The following RNF213 variants were observed in gnomAD, a reference collection of about 807,000 sequenced individuals.
RNF213 encodes the protein ring finger protein 213, also known as E3 ubiquitin-protein ligase RNF213.
A neutral mutation model predicts 514.4 loss-of-function variants in RNF213; 341 were observed. The observed-to-expected ratio is 0.66, with a 90% confidence interval of 0.61 to 0.73. The LOEUF (loss-of-function observed/expected upper bound fraction) is 0.73. Among genes scored for constraint, RNF213 ranks in the 30% least tolerant of loss-of-function variants. RNF213 has a pLI of 0.00. For synonymous variants in RNF213, 2,655 were observed against 2,658.2 expected (o/e 1.00, Z 0.04); for missense variants, 5,767 against 6,615.6 (o/e 0.87, Z 4.45).
chr17:80,319,055 G>A (rs1391631854), intron 16 of RNF213, 135 bp from the exon 17 acceptor site: 53 of 1,589,764 alleles, frequency 3.3e-5, no homozygotes, highest in South Asian at 2.0e-4. Flanking sequence ...GCTTTGCGTG[G>A]GCCAGGAGAA....
At chr17:80,341,541 A>G (rs1478735458) in intron 26 of RNF213, 1 of 152,140 alleles carries the variant, frequency 6.6e-6, no homozygotes, top group Non-Finnish European at 1.5e-5. Flanking sequence ...ACAGCAGACC[A>G]CGTATATGAC....
chr17:80,288,957 G>C lies in RNF213; in HGVS notation c.933+202G>C, dbSNP rs2044578502. On this transcript the variant is annotated intron_variant, in intron 5 of 67. Transcript: ENST00000582970. The surrounding 1 kb of genome is among the most constrained non-coding windows in gnomAD (Gnocchi z 4.9). ...CAGCGGTGAGAAGAGCGTGGAGGGA[G>C]GGAGAGAGGGCACCCAGGTGGGCCC... 1.3e-5 allele frequency among the ~76,000 whole-genome samples: 2 copies of C among 152,244 alleles called. No individual in the cohort carries two copies. The highest frequency in any genetic ancestry group is 1.3e-4 in the Admixed American group (2 of 15,286).
At chr17:80,355,390 G>C in intron 36 of RNF213, 5 of 335,822 alleles carry the variant, frequency 1.5e-5, no homozygotes, top group South Asian at 1.1e-4. Context: ...GGGAAGAAGC[G>C]GGGTGAATGG....
intron 2 of RNF213, among the ~76,000 whole-genome samples, chr17:80,271,353 A>G (rs75154501): frequency 0.019 from 2,882 of 152,320 alleles, 58 homozygotes; most frequent in East Asian, 0.11. Flanking sequence ...GCCAACACTG[A>G]GTACTCAAAG....
rs749168681 is a variant in RNF213 at position 80,306,433 on chromosome 17, C to T, written c.2392C>T (p.Arg798Trp). 3.1e-6 allele frequency: 5 copies of T among 1,614,110 alleles called. No homozygotes were observed. Among genetic ancestry groups the T allele is most frequent in the Admixed American group, 1.7e-5 (1 of 60,002 alleles). Residue 798 changes from arginine (R) to tryptophan (W), a missense_variant, in exon 12 of 68, where the codon CGG (arginine) becomes TGG (tryptophan). Coordinates refer to ENST00000582970, the MANE Select transcript of RNF213 (RefSeq NM_001256071.3). ...GGACTGTCTTTCAGGGATTTACTAC[C>T]GGCTTCCGGGACTTGAGCAAGTCTT... is the stretch of plus-strand genomic sequence containing the variant. ...ILDCLSGIYY[R>W]LPGLEQVLNT...
At position 80,295,667 on chromosome 17, in the gene RNF213, A is replaced by G. The variant is rs1467867293; in HGVS notation, c.1866A>G (p.Thr622=). 5 of 1,614,094 alleles carry G rather than the reference A, an allele frequency of 3.1e-6. No homozygotes were observed. The highest frequency in any genetic ancestry group is 4.2e-6 in the Non-Finnish European group (5 of 1,180,030). Reference sequence around the variant, plus strand: ...GCCCAGTGAGGAGTAAACTGAAAACAGGCCTGATTGTCCTTTTTGTAGTGG... The same window carrying G: ...GCCCAGTGAGGAGTAAACTGAAAACGGGCCTGATTGTCCTTTTTGTAGTGG... ...VDCPVRSKLK[T]GLIVLFVVEK... is the part of the protein sequence containing the mutation. The change falls in exon 10 of 68, where the codon ACA becomes ACG. Residue 622 remains threonine, a synonymous_variant. Transcript: ENST00000582970.
chr17:80,263,813 G>A lies in RNF213; in HGVS notation c.97+35G>A. The A allele has an allele frequency of 6.3e-7, 1 of 1,591,168 alleles. No homozygotes were observed. Among genetic ancestry groups the A allele is most frequent in the Non-Finnish European group, 8.6e-7 (1 of 1,159,284 alleles). On this transcript the variant is annotated intron_variant, in intron 2 of 67. Transcript: ENST00000582970. This position sits in a 1 kb window ranked among gnomAD's most constrained non-coding sequence, Gnocchi z 4.9. ...AGGGGTGCTGGTGGAGGCTGGGGCAGTGGGGACCCCTGGAGATGTCTCACC... is the reference window on the plus strand; with the variant it reads ...AGGGGTGCTGGTGGAGGCTGGGGCAATGGGGACCCCTGGAGATGTCTCACC...
At chr17:80,381,473 T>A in intron 56 of RNF213, 74 bp from the exon 57 acceptor site, 1 of 1,489,494 alleles carries the variant, frequency 6.7e-7, no homozygotes, top group Non-Finnish European at 9.4e-7. Context: ...CCACTCCCAA[T>A]GGCCTCTACC....
intron 17 of RNF213, chr17:80,321,417 G>A (rs1470686208): frequency 2.0e-5 from 3 of 151,996 alleles, no homozygotes; most frequent in Admixed American, 6.6e-5. Flanking sequence ...GTCCATTGAC[G>A]GCCATCTATG....
At position 80,346,362 on chromosome 17, in the gene RNF213, C is replaced by G; in HGVS notation, c.8027C>G (p.Thr2676Ser). The G allele has an allele frequency of 6.2e-7, 1 of 1,613,548 alleles. No individual in the cohort carries two copies. The highest frequency in any genetic ancestry group is 8.5e-7 in the Non-Finnish European group (1 of 1,180,014). ...LSKSSVSKNH[T>S]ERDPVLWSLM... Reference sequence around the variant, plus strand: ...AAGTCCAGCGTCAGCAAAAATCACACCGAGAGAGATCCCGTCCTCTGGTCG... The same window carrying G: ...AAGTCCAGCGTCAGCAAAAATCACAGCGAGAGAGATCCCGTCCTCTGGTCG... The change falls in exon 29 of 68, where the codon ACC (threonine) becomes AGC (serine). Residue 2676 changes from threonine (T) to serine (S), a missense_variant. Physicochemically the swap from Thr to Ser is moderately conservative, Grantham distance 58. Coordinates refer to ENST00000582970, the MANE Select transcript of RNF213 (RefSeq NM_001256071.3). This position sits in a 1 kb window ranked among gnomAD's most constrained non-coding sequence, Gnocchi z 8.1.
Position 80,346,627 on chromosome 17 carries a change from C to G in RNF213, c.8292C>G (p.Pro2764=). 6.2e-7 allele frequency: 1 copy of G among 1,612,946 alleles called. No homozygotes were observed. Among genetic ancestry groups the G allele is most frequent in the Non-Finnish European group, 8.5e-7 (1 of 1,180,022 alleles). ...TCGTCTGCATCGAGCTGAAGATTCC[C>G]CTCTTCCTGGTGGGGAAGCCCGGCA... ...MMVVCIELKI[P]LFLVGKPGSS... The change falls in exon 29 of 68, where the codon CCC becomes CCG. Residue 2764 remains proline, a synonymous_variant. Transcript: ENST00000582970. The surrounding 1 kb of genome is among the most constrained non-coding windows in gnomAD (Gnocchi z 8.1).
chr17:80,284,552 A>G (rs550791755), intron 3 of RNF213, among the ~76,000 whole-genome samples: 141 of 142,978 alleles, frequency 9.9e-4, no homozygotes, highest in African/African-American at 3.5e-3. Context: ...TCAAAAAAAG[A>G]AAAAAAAAAA....
At chr17:80,364,644 G>A (rs2079188066) in intron 42 of RNF213, 91 bp downstream of exon 42, 9 of 1,507,172 alleles carry the variant, frequency 6.0e-6, no homozygotes, top group Middle Eastern at 1.7e-4. Flanking sequence ...GCTGGGAGAC[G>A]CTCTTTTGGC....
Position 80,277,595 on chromosome 17 carries a change from CAAAA to C in RNF213, c.261+4210_261+4213del, listed in dbSNP as rs34659718. Among the ~76,000 whole-genome samples the C allele has an allele frequency of 2.5e-3, 175 of 69,726 alleles. 1 individual carries two copies. Among genetic ancestry groups the C allele is most frequent in the South Asian group, 0.017 (33 of 1,890 alleles). The allele number at this position is 69,726 out of a possible 152,430, so 45.7% of individuals were successfully genotyped here. ...CCTGGGCGACAGTGAGACTCTGTCT[CAAAA>C]AAAAAAAAAAAAAAAAAAGCCTAAA... On this transcript the variant is annotated intron_variant, in intron 3 of 67. Transcript: ENST00000582970.
intron 16 of RNF213, among the ~76,000 whole-genome samples, chr17:80,318,717 G>C (rs1421590550): frequency 6.6e-6 from 1 of 152,138 alleles, no homozygotes; most frequent in Non-Finnish European, 1.5e-5. Flanking sequence ...GGGACTACAG[G>C]CGCCCGCCAC....
At position 80,272,798 on chromosome 17, in the gene RNF213, T is replaced by G. The variant is rs139766838; in HGVS notation, c.98-443T>G. On this transcript the variant is annotated intron_variant, in intron 2 of 67. Transcript: ENST00000582970. ...CAGAGCAGCTGGGCGGGCAGATGCCTTAGTGCCAGGACAAGGGAAGCAGTT... is the reference window on the plus strand; with the variant it reads ...CAGAGCAGCTGGGCGGGCAGATGCCGTAGTGCCAGGACAAGGGAAGCAGTT... Among the ~76,000 whole-genome samples, 314 of 152,222 alleles carry G rather than the reference T, an allele frequency of 2.1e-3. 3 individuals are homozygous for G. The highest frequency in any genetic ancestry group is 6.9e-3 in the African/African-American group (287 of 41,524).
chr17:80,295,003 G>C lies in RNF213; in HGVS notation c.1755G>C (p.Glu585Asp). ...CCGATTTGCAGTACAGGGAGAAAGA[G>C]GTATCAGGCTTGCCACCAGCTGCTC... ...LWTDLQYREK[E>D]VKRYLWQHLK... The change falls in exon 9 of 68, where the codon GAG becomes GAC. Residue 585 changes from glutamate (E) to aspartate (D), a missense_variant and splice_region_variant. By Grantham distance (45) the Glu-to-Asp change is conservative. This residue lies in a region of RNF213 where 592 missense variants were observed against 673.9 expected (regional missense o/e 0.88). Coordinates refer to ENST00000582970, the MANE Select transcript of RNF213 (RefSeq NM_001256071.3). 1 of 1,614,094 alleles carries C rather than the reference G, an allele frequency of 6.2e-7. No homozygotes were observed. Among genetic ancestry groups the C allele is most frequent in the Middle Eastern group, 1.7e-4 (1 of 6,054 alleles).
At chr17:80,329,184 C>T (rs527444921) in intron 20 of RNF213, among the ~76,000 whole-genome samples, 3 of 152,362 alleles carry the variant, frequency 2.0e-5, no homozygotes, top group African/African-American at 4.8e-5. Flanking sequence ...CCCCCTCCCC[C>T]GCTACTCACT....
At chr17:80,305,694 C>G (rs1017273636) in intron 11 of RNF213, among the ~76,000 whole-genome samples, 1 of 151,392 alleles carries the variant, frequency 6.6e-6, no homozygotes, top group African/African-American at 2.4e-5. Flanking sequence ...TCACTGCAAT[C>G]TCTGCCGCCG....
Sources: allele counts gnomAD v4.1 joint callset (sites outside exome capture counted in the v4.1 genomes callset), GRCh38; gene constraint gnomAD v4.1.1; regional missense constraint gnomAD v4.1.1; non-coding constraint Gnocchi (gnomAD v3.1); transcripts MANE v1.5; gene names NCBI Gene and HGNC (gene_info 2026-07-23, HGNC 2026-07-21).